The following PGM3 variants were observed in gnomAD, a reference collection of about 807,000 sequenced individuals.
The protein encoded by PGM3 is phosphoacetylglucosamine mutase.
Under a neutral mutation model 66.2 loss-of-function variants are expected in PGM3, and 40 were observed. The ratio of observed to expected loss-of-function variants is 0.60; its 90% confidence interval spans 0.47 to 0.79. The LOEUF (loss-of-function observed/expected upper bound fraction) is 0.79. Ranked by LOEUF, PGM3 falls within the 30% of genes least tolerant of loss-of-function variation. The probability of loss-of-function intolerance (pLI) is 0.00; values close to 1 mark genes in which losing one functional copy is unlikely to be tolerated. For synonymous variants in PGM3, 191 were observed against 224.2 expected, an observed-to-expected ratio of 0.85 and a Z score of 1.32; for missense variants, 537 against 643.4, an observed-to-expected ratio of 0.83 and a Z score of 1.79.
rs1788195255 is a variant in PGM3 at position 83,181,772 on chromosome 6, C to A, written c.751G>T (p.Ala251Ser). Residue 251 changes from alanine (A) to serine (S), a missense_variant, in exon 6 of 13, where the codon GCT becomes TCT. By Grantham distance (99) the Ala-to-Ser change is moderately conservative (BLOSUM62 1). Transcript: ENST00000513973. Reference sequence around the variant, plus strand: ...TTCTGATGACTTTTCACAAAGTCAGCTCCACATAAATGATTGAGTTTGCCC... The same window carrying A: ...TTCTGATGACTTTTCACAAAGTCAGATCCACATAAATGATTGAGTTTGCCC... Reference protein sequence around the residue: ...SKGKLNHLCGADFVKSHQKPP... With the variant: ...SKGKLNHLCGSDFVKSHQKPP... The A allele has an allele frequency of 1.9e-6, 3 of 1,612,774 alleles. No homozygotes were observed. The highest frequency in any genetic ancestry group is 2.5e-6 in the Non-Finnish European group (3 of 1,179,678).
downstream of PGM3, among the ~76,000 whole-genome samples, chr6:83,163,394 A>G (rs1784698735): frequency 6.6e-6 from 1 of 152,200 alleles, no homozygotes; most frequent in African/African-American, 2.4e-5. Flanking sequence ...AGTTGTTTCA[A>G]CAGAACTAAT....
intron 7 of PGM3, 129 bp from the exon 8 acceptor site, chr6:83,178,885 T>C: frequency 1.5e-6 from 1 of 647,400 alleles, no homozygotes; most frequent in Non-Finnish European, 2.8e-6. Flanking sequence ...GCCAAAAATG[T>C]CTGACTGAAA....
At chr6:83,178,838 C>A in intron 7 of PGM3, 82 bp from the exon 8 acceptor site, 1 of 830,754 alleles carries the variant, frequency 1.2e-6, no homozygotes, top group Non-Finnish European at 2.1e-6. Context: ...TAAAGGCTAC[C>A]AAAATTATCA....
the PGM3 span, among the ~76,000 whole-genome samples, chr6:83,152,556 G>A: frequency 6.6e-6 from 1 of 151,132 alleles, no homozygotes. Context: ...AAACATTAGT[G>A]ATAAATTTAG....
the PGM3 span, among the ~76,000 whole-genome samples, chr6:83,154,707 G>A: frequency 6.6e-6 from 1 of 151,992 alleles, no homozygotes; most frequent in African/African-American, 2.4e-5. Flanking sequence ...AAGAAAGAGG[G>A]GTGCCAAGAA....
rs1785815887 is a variant in PGM3, at chr6:83,166,857, C to T, written c.*2377G>A. 9 of 997,518 alleles carry T rather than the reference C, an allele frequency of 9.0e-6. No individual in the cohort carries two copies. Among genetic ancestry groups the T allele is most frequent in the Non-Finnish European group, 1.1e-5 (9 of 838,348 alleles). 61.8% of individuals were successfully genotyped at this position (997,518 alleles called of 1,614,324 possible). A position where few individuals can be genotyped will look rare whatever the true frequency, so the allele number is the denominator to read the frequency against. On this transcript the variant is annotated 3_prime_UTR_variant, in exon 13 of 13. Transcript: ENST00000513973. Reference sequence around the variant, plus strand: ...ACATCTGATCTTAGAAGGCAAACTCCATTTGTTAATATGACAGATTGTAAT... The same window carrying T: ...ACATCTGATCTTAGAAGGCAAACTCTATTTGTTAATATGACAGATTGTAAT...
chr6:83,173,344 TATTTATAAAATGAAA>T lies in PGM3; in HGVS notation c.1242+1015_1242+1029del, dbSNP rs575236687. The stretch of plus-strand genomic sequence containing the variant: ...TGAGAAACTTGCCTTTAGTACTCCT[TATTTATAAAATGAAA>T]TTAGACTGGATAACTCTAAGGCTCA... On this transcript the variant is annotated intron_variant, in intron 10 of 12. Transcript: ENST00000513973. 2.0e-5 allele frequency among the ~76,000 whole-genome samples: 3 copies of T among 152,316 alleles called. No individual in the cohort carries two copies. The South Asian group carries it at 6.2e-4, about 32-fold the overall frequency.
At chr6:83,191,148 G>T in intron 1 of PGM3, 134 bp from the exon 2 acceptor site, 1 of 1,481,990 alleles carries the variant, frequency 6.7e-7, no homozygotes, top group Non-Finnish European at 9.1e-7. Flanking sequence ...GTTTGACAGA[G>T]CAATGGGCAG....
At chr6:83,156,120 C>G in the PGM3 span, 1 of 1,591,934 alleles carries the variant, frequency 6.3e-7, no homozygotes, top group Non-Finnish European at 8.5e-7. Flanking sequence ...AATGAAAAAC[C>G]CTTTATTTTT....
At chr6:83,153,059 G>T in the PGM3 span, among the ~76,000 whole-genome samples, 1 of 152,102 alleles carries the variant, frequency 6.6e-6, no homozygotes, top group Admixed American at 6.6e-5. Flanking sequence ...TGCAGATGTG[G>T]ATAGTGACCT....
chr6:83,149,600 T>G, the PGM3 span, among the ~76,000 whole-genome samples: 1 of 152,018 alleles, frequency 6.6e-6, no homozygotes, highest in Admixed American at 6.6e-5. Context: ...TTAAAGAATG[T>G]GGTCTTGAAA....
chr6:83,185,653 G>A (rs1000604103), intron 4 of PGM3, among the ~76,000 whole-genome samples: 3 of 152,062 alleles, frequency 2.0e-5, no homozygotes, highest in Non-Finnish European at 4.4e-5. Context: ...CAGCTACTCG[G>A]GAGGCTGAGG....
intron 4 of PGM3, among the ~76,000 whole-genome samples, chr6:83,183,903 A>G (rs1055621404): frequency 6.6e-6 from 1 of 152,036 alleles, no homozygotes; most frequent in Non-Finnish European, 1.5e-5. Context: ...TTTAGTAGAG[A>G]CAGGGTTTCA....
At chr6:83,156,018 G>A in the PGM3 span, 4 of 1,614,100 alleles carry the variant, frequency 2.5e-6, no homozygotes, top group East Asian at 8.9e-5. Context: ...AGCTAGAACA[G>A]AGAGCTATGC....
At chr6:83,193,377 G>T (rs1450262664), upstream of PGM3, 1 of 152,312 alleles carries the variant, frequency 6.6e-6, no homozygotes, top group Non-Finnish European at 1.5e-5. Context: ...CGCAGCTGGC[G>T]CCTGAGGAAC....
In PGM3 at chr6:83,187,089, G is replaced by A. The variant is rs758176247; in HGVS notation, c.390-14C>T. On this transcript the variant is annotated splice_polypyrimidine_tract_variant and intron_variant, in intron 3 of 12. Coordinates refer to ENST00000513973, the MANE Select transcript of PGM3 (RefSeq NM_015599.3). ...TCACTGCTGGGCCTAGGAAAGAAAA[G>A]GAAGAAAATAATATATCCCATCCTG... 1 of 1,560,892 alleles carries A rather than the reference G, an allele frequency of 6.4e-7. No individual in the cohort carries two copies. The highest frequency in any genetic ancestry group is 8.8e-7 in the Non-Finnish European group (1 of 1,134,816).
intron 12 of PGM3, 28 bp from the exon 13 acceptor site, chr6:83,169,351 T>C: frequency 6.2e-7 from 1 of 1,612,370 alleles, no homozygotes; most frequent in South Asian, 1.1e-5. Flanking sequence ...AGAGATTAGA[T>C]GAGAAAGACA....
chr6:83,161,639 G>A (rs902682626), downstream of PGM3, among the ~76,000 whole-genome samples: 4 of 152,088 alleles, frequency 2.6e-5, no homozygotes, highest in African/African-American at 7.2e-5. Flanking sequence ...CTGAGTTTCC[G>A]ATTAAAATTA....
intron 2 of PGM3, among the ~76,000 whole-genome samples, chr6:83,189,517 C>A (rs1211537869): frequency 6.6e-6 from 1 of 152,164 alleles, no homozygotes; most frequent in Non-Finnish European, 1.5e-5. Context: ...TTATAATGAT[C>A]ACATATTTGG....
Sources: gnomAD v4.1 joint callset for allele counts (sites outside exome capture counted in the v4.1 genomes callset) on GRCh38, gnomAD v4.1.1 for gene constraint, MANE v1.5 for transcripts, NCBI Gene and HGNC (gene_info 2026-07-23, HGNC 2026-07-21) for gene names.